BICRAL: variants seen among roughly 807,000 people sequenced by gnomAD.
The protein encoded by BICRAL is BICRA like chromatin remodeling complex associated protein, also known as BRD4-interacting chromatin-remodeling complex-associated protein-like.
A neutral mutation model predicts 91.8 loss-of-function variants in BICRAL; 8 were observed. That is an observed-to-expected ratio of 0.09 (90% confidence interval 0.05 to 0.16). The LOEUF (loss-of-function observed/expected upper bound fraction) is 0.16. Ranked by LOEUF, BICRAL falls within the 10% of genes least tolerant of loss-of-function variation. BICRAL has a pLI of 1.00. For missense variants in BICRAL, 1,038 were observed against 1,310.9 expected, an observed-to-expected ratio of 0.79 and a Z score of 3.21; for synonymous variants, 445 against 491.1, an observed-to-expected ratio of 0.91 and a Z score of 1.24.
chr6:42,793,296 A>ATTTTTTTTTTTTTTTTTTTTTT (rs35332872), intron 1 of BICRAL, among the ~76,000 whole-genome samples: 2 of 22,974 alleles, frequency 8.7e-5, no homozygotes, highest in Non-Finnish European at 1.4e-4. Context: ...GACCCAGCTA[A>ATTTTTTTTTTTTTTTTTTTTTT]TTTTTTTTTT....
At chr6:42,812,909 C>G (rs1763880372) in intron 2 of BICRAL, among the ~76,000 whole-genome samples, 1 of 152,140 alleles carries the variant, frequency 6.6e-6, no homozygotes, top group Non-Finnish European at 1.5e-5. Context: ...ATGGCAAGTG[C>G]CTGTGGTCCC....
At chr6:42,844,056 C>T (rs1437240803) in intron 6 of BICRAL, among the ~76,000 whole-genome samples, 1 of 149,850 alleles carries the variant, frequency 6.7e-6, no homozygotes, top group African/African-American at 2.4e-5. Context: ...CCCGCCTCGG[C>T]CTCCTAAAGT....
At chr6:42,758,611 G>C (rs6908950) in intron 1 of BICRAL, among the ~76,000 whole-genome samples, 53,435 of 151,794 alleles carry the variant, frequency 0.35, 9,841 homozygotes, top group African/African-American at 0.46. Context: ...ATGGAAATCT[G>C]GAGTGCTGAA....
intron 2 of BICRAL, among the ~76,000 whole-genome samples, chr6:42,813,237 A>G (rs568688744): frequency 6.6e-6 from 1 of 152,304 alleles, no homozygotes; most frequent in East Asian, 1.9e-4. Flanking sequence ...CTAGAAGCTT[A>G]GTGAACCCTA....
intron 1 of BICRAL, among the ~76,000 whole-genome samples, chr6:42,808,576 G>A (rs1022331485): frequency 6.6e-6 from 1 of 152,164 alleles, no homozygotes; most frequent in African/African-American, 2.4e-5. Context: ...TAGATGACAA[G>A]TCATGGACTT....
At chr6:42,830,570 A>AAT (rs1278529961) in intron 6 of BICRAL, among the ~76,000 whole-genome samples, 1 of 149,856 alleles carries the variant, frequency 6.7e-6, no homozygotes, top group East Asian at 2.0e-4. Flanking sequence ...AAAAAAAAAA[A>AAT]TTTTTTTTTA....
intron 2 of BICRAL, among the ~76,000 whole-genome samples, chr6:42,812,995 A>G (rs1212753967): frequency 6.6e-6 from 1 of 152,182 alleles, no homozygotes; most frequent in African/African-American, 2.4e-5. Flanking sequence ...TGATCCTGCC[A>G]CTGCACTGCT....
intron 11 of BICRAL, among the ~76,000 whole-genome samples, chr6:42,861,600 T>C (rs1476256864): frequency 2.0e-5 from 3 of 152,204 alleles, no homozygotes; most frequent in Non-Finnish European, 4.4e-5. Flanking sequence ...ACTTTGAAAA[T>C]GTACCTTGGG....
chr6:42,747,261 G>A (rs1035595710), intron 1 of BICRAL, among the ~76,000 whole-genome samples: 4 of 152,220 alleles, frequency 2.6e-5, no homozygotes, highest in Non-Finnish European at 5.9e-5. Context: ...CGCTGCCCGG[G>A]CGCGGCAGCC....
At chr6:42,839,463 T>G (rs1764726741) in intron 6 of BICRAL, among the ~76,000 whole-genome samples, 2 of 151,916 alleles carry the variant, frequency 1.3e-5, no homozygotes, top group South Asian at 4.1e-4. Context: ...TTATGTTTGT[T>G]TTTTAGAACT....
intron 6 of BICRAL, among the ~76,000 whole-genome samples, chr6:42,840,906 T>C (rs918907416): frequency 1.3e-5 from 2 of 151,110 alleles, no homozygotes. Context: ...AAACCTCGTC[T>C]CTACTAAAAA....
At chr6:42,753,266 G>A (rs1762408695) in intron 1 of BICRAL, among the ~76,000 whole-genome samples, 1 of 152,018 alleles carries the variant, frequency 6.6e-6, no homozygotes, top group Admixed American at 6.6e-5. Context: ...GTCTTGCTGT[G>A]TTGCCCAGTC....
intron 1 of BICRAL, among the ~76,000 whole-genome samples, chr6:42,788,810 A>G (rs1027894808): frequency 6.6e-6 from 1 of 152,238 alleles, no homozygotes; most frequent in African/African-American, 2.4e-5. Flanking sequence ...GGTAGTTTCA[A>G]TGCTGGGCAT....
chr6:42,835,277 C>T lies in BICRAL; in HGVS notation c.1839+5105C>T, dbSNP rs150648512. Among the ~76,000 whole-genome samples, 746 of 151,970 alleles carry T rather than the reference C, an allele frequency of 4.9e-3. 4 individuals carry two copies. The highest frequency in any genetic ancestry group is 0.017 in the African/African-American group (695 of 41,450). ...CCAAGTAGCTGGGATTACAGGCGTG[C>T]GCCACCACAACTGGCTAATTTTTAT... On this transcript the variant is annotated intron_variant, in intron 6 of 12. Coordinates refer to ENST00000314073, the MANE Select transcript of BICRAL (RefSeq NM_001393499.1).
chr6:42,850,705 G>A lies in BICRAL; in HGVS notation c.1840-1387G>A, dbSNP rs532934939. Among the ~76,000 whole-genome samples the A allele has an allele frequency of 4.6e-4, 70 of 151,864 alleles. 1 individual carries two copies. The highest frequency in any genetic ancestry group is 6.8e-3 in the Middle Eastern group (2 of 292). Reference sequence around the variant, plus strand: ...TCGAGACCATCCTGACCAACATGGTGAAACTCCATTTCTACTAAAAATACA... The same window carrying A: ...TCGAGACCATCCTGACCAACATGGTAAAACTCCATTTCTACTAAAAATACA... On this transcript the variant is annotated intron_variant, in intron 6 of 12. Coordinates refer to ENST00000314073, the MANE Select transcript of BICRAL (RefSeq NM_001393499.1).
chr6:42,787,559 T>C (rs1354082371), intron 1 of BICRAL, among the ~76,000 whole-genome samples: 1 of 151,774 alleles, frequency 6.6e-6, no homozygotes, highest in African/African-American at 2.4e-5. Context: ...CCTAAAACAC[T>C]AACAACGGCT....
chr6:42,770,665 C>T (rs955097823), intron 1 of BICRAL, among the ~76,000 whole-genome samples: 1 of 151,830 alleles, frequency 6.6e-6, no homozygotes, highest in African/African-American at 2.4e-5. Context: ...ATCCACCCGC[C>T]TCGGCCTCCC....
chr6:42,853,987 T>A (rs1318979776), intron 8 of BICRAL, among the ~76,000 whole-genome samples: 1 of 152,194 alleles, frequency 6.6e-6, no homozygotes, highest in African/African-American at 2.4e-5. Flanking sequence ...CATTTCCTCA[T>A]GAATTAGTAA....
chr6:42,770,020 G>A (rs1036695026), intron 1 of BICRAL, among the ~76,000 whole-genome samples: 4 of 151,936 alleles, frequency 2.6e-5, no homozygotes, highest in Non-Finnish European at 5.9e-5. Context: ...AGCGGCCTAC[G>A]GATCATCCAC....
Sources: gnomAD v4.1 joint callset for allele counts (sites outside exome capture counted in the v4.1 genomes callset) on GRCh38, gnomAD v4.1.1 for gene constraint, MANE v1.5 for transcripts, NCBI Gene and HGNC (gene_info 2026-07-23, HGNC 2026-07-21) for gene names.